Variants in NPAS3 observed in about 807,000 individuals in gnomAD.
NPAS3 encodes neuronal PAS domain protein 3, also known as neuronal PAS domain-containing protein 3.
In NPAS3, 14 loss-of-function variants were observed where a neutral mutation model predicts 73.1. The ratio of observed to expected loss-of-function variants is 0.19; its 90% confidence interval spans 0.13 to 0.30. The LOEUF is 0.30. Ranked by LOEUF, NPAS3 falls within the 10% of genes least tolerant of loss-of-function variation. The pLI is 1.00. For synonymous variants in NPAS3, 620 were observed against 541.5 expected (o/e 1.14, Z -2.01); for missense variants, 1,096 against 1,250.0 (o/e 0.88, Z 1.86).
At chr14:33,164,700 C>T (rs564620102) in intron 2 of NPAS3, among the ~76,000 whole-genome samples, 10 of 152,238 alleles carry the variant, frequency 6.6e-5, no homozygotes, top group East Asian at 3.9e-4. Flanking sequence ...AAATTTCTTT[C>T]GTATTCCTGT....
At chr14:32,959,763 T>G (rs2036831022) in intron 1 of NPAS3, among the ~76,000 whole-genome samples, 1 of 152,178 alleles carries the variant, frequency 6.6e-6, no homozygotes, top group Admixed American at 6.5e-5. Context: ...CGAGTATTTT[T>G]GGGTTTATTG....
At chr14:33,655,900 A>C (rs1261701708) in intron 5 of NPAS3, among the ~76,000 whole-genome samples, 1 of 152,146 alleles carries the variant, frequency 6.6e-6, no homozygotes, top group African/African-American at 2.4e-5. Flanking sequence ...TCTATTTGCA[A>C]ACAAACATCC....
chr14:33,707,537 GAAC>G (rs1276466379), intron 6 of NPAS3, among the ~76,000 whole-genome samples: 3 of 151,802 alleles, frequency 2.0e-5, no homozygotes, highest in Admixed American at 1.3e-4. Context: ...GCCTGTCCCA[GAAC>G]AACAACAACA....
chr14:33,391,090 A>G (rs1053030796), intron 4 of NPAS3, among the ~76,000 whole-genome samples: 1 of 152,176 alleles, frequency 6.6e-6, no homozygotes, highest in African/African-American at 2.4e-5. Flanking sequence ...ATGCCAAGGC[A>G]CAGAAGTCTG....
chr14:33,078,083 A>T (rs2138697730), intron 2 of NPAS3, among the ~76,000 whole-genome samples: 1 of 152,070 alleles, frequency 6.6e-6, no homozygotes, highest in South Asian at 2.1e-4. Context: ...AGGCTGCAGT[A>T]AGCTGAGATC....
chr14:33,794,160 T>A, intron 10 of NPAS3, 116 bp downstream of exon 10: 2 of 841,624 alleles, frequency 2.4e-6, no homozygotes, highest in Non-Finnish European at 3.7e-6. Context: ...GTACCTGGTG[T>A]GGAATTTCAT....
At chr14:32,987,496 T>C (rs866788023) in intron 1 of NPAS3, among the ~76,000 whole-genome samples, 2 of 152,284 alleles carry the variant, frequency 1.3e-5, no homozygotes, top group Middle Eastern at 3.4e-3. Context: ...GTTTCAGACC[T>C]TTACACAAGT....
intron 6 of NPAS3, among the ~76,000 whole-genome samples, chr14:33,714,130 TATA>T (rs1217610571): frequency 1.3e-5 from 2 of 151,932 alleles, no homozygotes; most frequent in Non-Finnish European, 2.9e-5. Context: ...AAACTTAAAG[TATA>T]ATAATAATAA....
At chr14:33,178,733 G>A (rs145264628) in intron 2 of NPAS3, among the ~76,000 whole-genome samples, 136 of 152,130 alleles carry the variant, frequency 8.9e-4, no homozygotes, top group African/African-American at 3.1e-3. Context: ...GATTCTTTGG[G>A]ATTTTCTATA....
intron 2 of NPAS3, among the ~76,000 whole-genome samples, chr14:33,200,087 A>G (rs555734878): frequency 2.6e-5 from 4 of 151,956 alleles, no homozygotes; most frequent in Non-Finnish European, 5.9e-5. Flanking sequence ...TGATGTCACC[A>G]TAGTGAGCTG....
intron 4 of NPAS3, among the ~76,000 whole-genome samples, chr14:33,525,117 A>G (rs1476269827): frequency 1.3e-5 from 2 of 152,194 alleles, no homozygotes. Flanking sequence ...TAAATGTACT[A>G]TTCATAATGT....
intron 2 of NPAS3, among the ~76,000 whole-genome samples, chr14:33,164,053 T>A (rs965050557): frequency 1.3e-5 from 2 of 152,220 alleles, no homozygotes; most frequent in African/African-American, 4.8e-5. Context: ...AGCTTGCCTG[T>A]TGGTTTTTGC....
intron 4 of NPAS3, among the ~76,000 whole-genome samples, chr14:33,447,860 A>G (rs1024185657): frequency 6.6e-6 from 1 of 152,134 alleles, no homozygotes; most frequent in East Asian, 1.9e-4. Context: ...GGTTAGAGTG[A>G]GCTATGATTG....
chr14:32,995,614 C>T (rs1005299291), intron 1 of NPAS3, among the ~76,000 whole-genome samples: 12 of 152,314 alleles, frequency 7.9e-5, no homozygotes, highest in African/African-American at 2.9e-4. Context: ...CCATGCTGTT[C>T]TTGTGATAGC....
chr14:33,600,000 G>A (rs190016287), intron 5 of NPAS3, among the ~76,000 whole-genome samples: 4 of 152,226 alleles, frequency 2.6e-5, no homozygotes, highest in Non-Finnish European at 4.4e-5. Context: ...AATAAGATCC[G>A]TTACTTTGTA....
chr14:32,948,268 C>A (rs1281136648), intron 1 of NPAS3, among the ~76,000 whole-genome samples: 1 of 151,970 alleles, frequency 6.6e-6, no homozygotes, highest in Non-Finnish European at 1.5e-5. Flanking sequence ...TTGGGGATGT[C>A]AAAGTTGTCC....
At chr14:33,713,418 A>AG (rs1171812483) in intron 6 of NPAS3, among the ~76,000 whole-genome samples, 2 of 152,128 alleles carry the variant, frequency 1.3e-5, no homozygotes, top group African/African-American at 2.4e-5. Context: ...TTGAGGGAGG[A>AG]GGGGGTCTCC....
intron 5 of NPAS3, among the ~76,000 whole-genome samples, chr14:33,611,888 A>C (rs2140051929): frequency 6.6e-6 from 1 of 152,278 alleles, no homozygotes; most frequent in African/African-American, 2.4e-5. Context: ...GCTTCAAGGG[A>C]GAGGAAATAG....
At chr14:33,450,400 C>T (rs1249986153) in intron 4 of NPAS3, among the ~76,000 whole-genome samples, 1 of 152,160 alleles carries the variant, frequency 6.6e-6, no homozygotes, top group African/African-American at 2.4e-5. Flanking sequence ...AGCAAAGTGA[C>T]TCATAATCCA....
Sources: allele counts gnomAD v4.1 joint callset (sites outside exome capture counted in the v4.1 genomes callset), GRCh38; gene constraint gnomAD v4.1.1; transcripts MANE v1.5; gene names NCBI Gene and HGNC (gene_info 2026-07-23, HGNC 2026-07-21).